The following NRG1 variants were observed in gnomAD, a reference collection of about 807,000 sequenced individuals.
The protein encoded by NRG1 is neuregulin 1.
In NRG1, 18 loss-of-function variants were observed where a neutral mutation model predicts 63.8. The ratio of observed to expected loss-of-function variants is 0.28; its 90% CI spans 0.19 to 0.42. The LOEUF is 0.42. NRG1 is among the 10% of genes least tolerant of loss of function. The pLI, the probability that NRG1 is intolerant of heterozygous loss-of-function variation, is 1.00. For missense variants in NRG1, 762 were observed against 814.7 expected (o/e 0.94, Z 0.79); for synonymous variants, 302 against 301.3 (o/e 1.00, Z -0.02).
At chr8:32,433,772 C>T (rs1010052803) in intron 1 of NRG1, among the ~76,000 whole-genome samples, 3 of 152,114 alleles carry the variant, frequency 2.0e-5, no homozygotes, top group East Asian at 1.9e-4. Flanking sequence ...GTAGGACTAA[C>T]GCTTTGACAC....
chr8:32,680,286 C>T (rs1406807342), intron 5 of NRG1, among the ~76,000 whole-genome samples: 1 of 152,060 alleles, frequency 6.6e-6, no homozygotes, highest in Non-Finnish European at 1.5e-5. Flanking sequence ...ACCAATTGCC[C>T]CTGTTTGCCC....
At chr8:31,654,616 T>A (rs940674081) in intron 1 of NRG1, among the ~76,000 whole-genome samples, 1 of 152,218 alleles carries the variant, frequency 6.6e-6, no homozygotes, top group Non-Finnish European at 1.5e-5. Context: ...TATCTCTTCA[T>A]TAAAATGGAT....
intron 1 of NRG1, among the ~76,000 whole-genome samples, chr8:31,705,642 CT>C (rs994936278): frequency 1.3e-5 from 2 of 152,194 alleles, no homozygotes; most frequent in African/African-American, 2.4e-5. Flanking sequence ...GCTGAGAGAA[CT>C]TTTTTTCCTC....
intron 1 of NRG1, among the ~76,000 whole-genome samples, chr8:31,968,803 C>T (rs1806804437): frequency 1.3e-5 from 2 of 152,150 alleles, no homozygotes; most frequent in Admixed American, 1.3e-4. Flanking sequence ...CTTCTGCAAC[C>T]AGCTGGCATA....
chr8:31,883,924 T>C (rs1830536167), intron 1 of NRG1, among the ~76,000 whole-genome samples: 1 of 152,208 alleles, frequency 6.6e-6, no homozygotes, highest in African/African-American at 2.4e-5. Context: ...CTTAGAATAT[T>C]CTCCCACAGG....
At chr8:31,699,300 AG>A (rs1217202786) in intron 1 of NRG1, among the ~76,000 whole-genome samples, 1 of 152,180 alleles carries the variant, frequency 6.6e-6, no homozygotes, top group African/African-American at 2.4e-5. Flanking sequence ...TTAGAAGCCC[AG>A]GTAACACTTG....
intron 2 of NRG1, among the ~76,000 whole-genome samples, chr8:32,596,277 A>G (rs146326169): frequency 7.2e-4 from 109 of 152,274 alleles, no homozygotes; most frequent in East Asian, 4.1e-3. Context: ...AGAGAGCATT[A>G]GTGGTAGATG....
chr8:32,313,642 T>C (rs2129476104), intron 1 of NRG1, among the ~76,000 whole-genome samples: 1 of 152,324 alleles, frequency 6.6e-6, no homozygotes, highest in East Asian at 1.9e-4. Flanking sequence ...CAGGGAGTTG[T>C]CACATCCAAT....
At chr8:31,775,625 C>T (rs760270412) in intron 1 of NRG1, among the ~76,000 whole-genome samples, 17 of 152,186 alleles carry the variant, frequency 1.1e-4, no homozygotes, top group East Asian at 3.9e-4. Context: ...CGGTGGCTCA[C>T]GCCTGTAATC....
chr8:32,378,990 G>C (rs951605684), intron 1 of NRG1, among the ~76,000 whole-genome samples: 1 of 152,066 alleles, frequency 6.6e-6, no homozygotes, highest in Non-Finnish European at 1.5e-5. Context: ...TGGTGTATAT[G>C]TGCCACATTT....
intron 1 of NRG1, among the ~76,000 whole-genome samples, chr8:31,977,190 C>A (rs953099189): frequency 3.9e-5 from 6 of 152,222 alleles, no homozygotes; most frequent in Admixed American, 2.0e-4. Context: ...TATTTTAATT[C>A]TATATAAATC....
At chr8:32,415,364 TCAA>T in intron 1 of NRG1, among the ~76,000 whole-genome samples, 1 of 43,372 alleles carries the variant, frequency 2.3e-5, no homozygotes. Context: ...AGACTCTGTC[TCAA>T]AAAAAAAAAA....
At chr8:31,854,533 TC>T (rs1194535596) in intron 1 of NRG1, among the ~76,000 whole-genome samples, 3 of 151,980 alleles carry the variant, frequency 2.0e-5, no homozygotes, top group Non-Finnish European at 4.4e-5. Context: ...TAGCGGTCTA[TC>T]AATTTTGTTG....
chr8:32,762,803 C>A lies in NRG1; in HGVS notation c.1260-945C>A, dbSNP rs77581150. 4.2e-3 allele frequency among the ~76,000 whole-genome samples: 641 copies of A among 152,198 alleles called. 5 individuals are homozygous for A. The highest frequency in any genetic ancestry group is 0.015 in the African/African-American group (606 of 41,516). Reference sequence around the variant, plus strand: ...TGAATAAGCCACGTCTTCCTCAGTGCCAAAAGTCAGGACTTCTTATACTGG... The same window carrying A: ...TGAATAAGCCACGTCTTCCTCAGTGACAAAAGTCAGGACTTCTTATACTGG... On this transcript the variant is annotated intron_variant, in intron 11 of 11. Transcript: ENST00000356819.
At chr8:32,260,186 C>T (rs967613671) in intron 1 of NRG1, among the ~76,000 whole-genome samples, 1 of 152,124 alleles carries the variant, frequency 6.6e-6, no homozygotes, top group Non-Finnish European at 1.5e-5. Flanking sequence ...CCTCACCATG[C>T]TGGTTTTAGT....
intron 1 of NRG1, among the ~76,000 whole-genome samples, chr8:31,977,019 T>C (rs167859): frequency 0.85 from 128,425 of 151,732 alleles, 55,225 homozygotes; most frequent in African/African-American, 0.96. Context: ...ATAGAGTGTT[T>C]GCATTAATCT....
At chr8:32,363,763 C>T (rs1443824400) in intron 1 of NRG1, among the ~76,000 whole-genome samples, 4 of 151,590 alleles carry the variant, frequency 2.6e-5, no homozygotes, top group East Asian at 1.9e-4. Context: ...TCAGAATAGT[C>T]GAAAACTTTA....
chr8:31,882,751 T>G (rs1182798832), intron 1 of NRG1, among the ~76,000 whole-genome samples: 1 of 152,116 alleles, frequency 6.6e-6, no homozygotes, highest in Non-Finnish European at 1.5e-5. Context: ...GTGGAGAAAG[T>G]ATTTGCAGGT....
At chr8:31,991,647 A>G (rs1811109534) in intron 1 of NRG1, among the ~76,000 whole-genome samples, 1 of 151,984 alleles carries the variant, frequency 6.6e-6, no homozygotes, top group Non-Finnish European at 1.5e-5. Context: ...GTCTGATTCC[A>G]ACACCCACAC....
Sources: gnomAD v4.1 joint callset for allele counts (sites outside exome capture counted in the v4.1 genomes callset) on GRCh38, gnomAD v4.1.1 for gene constraint, MANE v1.5 for transcripts, NCBI Gene and HGNC (gene_info 2026-07-23, HGNC 2026-07-21) for gene names.